The following ZNF592 variants were observed in gnomAD, a reference collection of about 807,000 sequenced individuals.
The protein encoded by ZNF592 is spinocerebellar ataxia, autosomal recessive 5.
ZNF592 carries 11 observed loss-of-function variants against 80.3 expected under a neutral mutation model. That is an observed-to-expected ratio of 0.14 (90% CI 0.09 to 0.23). ZNF592 has a LOEUF of 0.23. ZNF592 is among the 10% of genes least tolerant of loss of function. ZNF592 has a pLI of 1.00. For missense variants in ZNF592, 1,420 were observed against 1,633.9 expected, an observed-to-expected ratio of 0.87 and a Z score of 2.26; for synonymous variants, 646 against 640.3, an observed-to-expected ratio of 1.01 and a Z score of -0.13.
intron 2 of ZNF592, among the ~76,000 whole-genome samples, chr15:84,775,323 T>G (rs543851658): frequency 3.3e-5 from 5 of 152,282 alleles, no homozygotes; most frequent in Non-Finnish European, 7.4e-5. Context: ...GTCGAACTCC[T>G]GACCTCAAGC....
At chr15:84,768,525 A>G (rs1410470900) in intron 2 of ZNF592, among the ~76,000 whole-genome samples, 1 of 152,038 alleles carries the variant, frequency 6.6e-6, no homozygotes, top group African/African-American at 2.4e-5. Flanking sequence ...GGCATGAGCC[A>G]CCGTGCCCAG....
chr15:84,760,725 A>G (rs1047592425), intron 1 of ZNF592, among the ~76,000 whole-genome samples: 2 of 152,210 alleles, frequency 1.3e-5, no homozygotes, highest in South Asian at 2.1e-4. Flanking sequence ...GGTGGAAGAG[A>G]GGAGGATGAA....
chr15:84,792,597 T>C (rs3851678), intron 5 of ZNF592, among the ~76,000 whole-genome samples: 128,779 of 152,170 alleles, frequency 0.85, 54,946 homozygotes, highest in African/African-American at 0.96. Flanking sequence ...ACTACAGGCA[T>C]GCACTGCCAT....
intron 5 of ZNF592, among the ~76,000 whole-genome samples, chr15:84,794,146 C>T (rs556653644): frequency 1.7e-4 from 26 of 152,174 alleles, no homozygotes; most frequent in African/African-American, 5.1e-4. Flanking sequence ...ATGTAGAAGA[C>T]GGGTTGATGG....
intron 1 of ZNF592, among the ~76,000 whole-genome samples, chr15:84,758,194 C>G (rs371754820): frequency 3.4e-5 from 5 of 146,928 alleles, no homozygotes; most frequent in African/African-American, 1.0e-4. Flanking sequence ...AGGCTGGTCT[C>G]GAACTTCTGA....
intron 2 of ZNF592, among the ~76,000 whole-genome samples, chr15:84,768,771 A>G (rs531247848): frequency 3.9e-5 from 6 of 152,232 alleles, no homozygotes; most frequent in South Asian, 2.1e-4. Flanking sequence ...ACCCCTTCCC[A>G]CTGGCGAGGT....
chr15:84,780,922 T>G (rs1962402854), intron 3 of ZNF592, among the ~76,000 whole-genome samples: 1 of 152,204 alleles, frequency 6.6e-6, no homozygotes, highest in Non-Finnish European at 1.5e-5. Flanking sequence ...TTGGCTCAAA[T>G]GCACGCGTAG....
intron 10 of ZNF592, among the ~76,000 whole-genome samples, chr15:84,800,493 C>T (rs907467859): frequency 2.6e-5 from 4 of 152,112 alleles, no homozygotes; most frequent in African/African-American, 9.7e-5. Flanking sequence ...CTGGTTTTTC[C>T]TCCTCACTCC....
At chr15:84,791,305 A>G (rs974927151) in intron 5 of ZNF592, among the ~76,000 whole-genome samples, 2 of 152,226 alleles carry the variant, frequency 1.3e-5, no homozygotes, top group Admixed American at 6.5e-5. Context: ...GCCAAACTCA[A>G]AGGGCTTTAG....
At position 84,778,263 on chromosome 15, in the gene ZNF592, G is replaced by C. The variant is rs1004246210; in HGVS notation, c.-69G>C. The C allele has an allele frequency of 3.5e-6, 1 of 285,612 alleles. No individual in the cohort carries two copies. Among genetic ancestry groups the C allele is most frequent in the Non-Finnish European group, 7.0e-6 (1 of 143,798 alleles). The allele number at this position is 285,612 out of a possible 1,614,324, so 17.7% of individuals were successfully genotyped here. A position where few individuals can be genotyped will look rare whatever the true frequency, so the allele number is the denominator to read the frequency against. The stretch of plus-strand genomic sequence containing the variant: ...CCCGTACGGAGACAGAGGGAGGGGG[G>C]GCTCCAAAGCCGAAAGAGGAGGTCC... On this transcript the variant is annotated 5_prime_UTR_variant, in exon 3 of 11. Transcript: ENST00000560079.
rs1484606862 is a variant in ZNF592 at position 84,784,199 on chromosome 15, G to C, written c.1524G>C (p.Leu508=). ...LLPKAVHLAN[L]NLVPHSVAAS... The stretch of plus-strand genomic sequence containing the variant: ...CCAAAGCCGTGCACTTGGCCAACCT[G>C]AACCTCGTCCCCCACAGTGTTGCTG... The change falls in exon 4 of 11, where the codon CTG becomes CTC. Residue 508 remains leucine (L), a synonymous_variant. Coordinates refer to ENST00000560079, the MANE Select transcript of ZNF592 (RefSeq NM_014630.3). This position sits in a 1 kb window ranked among gnomAD's most constrained non-coding sequence, Gnocchi z 5.8. 16 of 1,614,060 alleles carry C rather than the reference G, an allele frequency of 9.9e-6. No homozygotes were observed. Among genetic ancestry groups the C allele is most frequent in the Middle Eastern group, 1.6e-4 (1 of 6,084 alleles).
rs577553097 is a variant in ZNF592, at chr15:84,782,361, G to A, written c.-19-296G>A. Among the ~76,000 whole-genome samples the A allele has an allele frequency of 3.3e-5, 5 of 152,272 alleles. No individual in the cohort carries two copies. The South Asian group carries it at 1.0e-3, about 32-fold the overall frequency. ...CCTGAGAAGCTGAGGGAGTATGGTA[G>A]GAGTATACTCTCTGTGGCTTTGTAA... is the stretch of plus-strand genomic sequence containing the variant. On this transcript the variant is annotated intron_variant, in intron 3 of 10. Transcript: ENST00000560079.
intron 1 of ZNF592, among the ~76,000 whole-genome samples, chr15:84,757,816 G>A (rs1045436359): frequency 1.4e-5 from 2 of 144,566 alleles, no homozygotes; most frequent in Non-Finnish European, 3.0e-5. Context: ...ACGCTGCCAT[G>A]TCTGGCTTTT....
chr15:84,798,262 G>A lies in ZNF592; in HGVS notation c.2577-53G>A. 6.2e-7 allele frequency: 1 copy of A among 1,611,670 alleles called. No homozygotes were observed. The highest frequency in any genetic ancestry group is 1.1e-5 in the South Asian group (1 of 90,862). ...GGTTCAGAGAGAGCAGAGATGGGTG[G>A]AGGGGCTGCATGGTGCCTTGGCCAC... On this transcript the variant is annotated intron_variant, in intron 6 of 10. Transcript: ENST00000560079. This position sits in a 1 kb window ranked among gnomAD's most constrained non-coding sequence, Gnocchi z 4.5.
intron 1 of ZNF592, among the ~76,000 whole-genome samples, chr15:84,763,764 A>C (rs1001252516): frequency 6.6e-6 from 1 of 152,214 alleles, no homozygotes; most frequent in African/African-American, 2.4e-5. Context: ...GAGGGAATGC[A>C]GGATTAGAGT....
At position 84,755,625 on chromosome 15, in the gene ZNF592, C is replaced by G. The variant is rs1221620824; in HGVS notation, c.-259+6961C>G. Among the ~76,000 whole-genome samples the G allele has an allele frequency of 2.0e-5, 3 of 152,150 alleles. No individual in the cohort carries two copies. In the East Asian group the frequency reaches 5.8e-4, roughly 29 times the overall value. ...GGATTGGGGTGGTTTTTACTTTATTCTTAATATTTTCTTCCTATCATTTGA... is the reference window on the plus strand; with the variant it reads ...GGATTGGGGTGGTTTTTACTTTATTGTTAATATTTTCTTCCTATCATTTGA... On this transcript the variant is annotated intron_variant, in intron 1 of 10. Coordinates refer to ENST00000560079, the MANE Select transcript of ZNF592 (RefSeq NM_014630.3).
At chr15:84,796,265 T>TATATATATATATA (rs1396711040) in intron 5 of ZNF592, among the ~76,000 whole-genome samples, 17 of 43,624 alleles carry the variant, frequency 3.9e-4, no homozygotes, top group African/African-American at 7.6e-4. Context: ...TATATATATA[T>TATATATATATATA]TTTATATATA....
Position 84,801,889 on chromosome 15 carries a change from T to C in ZNF592, c.3300T>C (p.Ser1100=), listed in dbSNP as rs1456902969. ...TGAACCATCTGAAAAGACCAGTCAG[T>C]GGAGTGGGGGACGCTCCAGGCACCA... ...PQVNHLKRPV[S]GVGDAPGTSN... The change falls in exon 11 of 11, where the codon AGT becomes AGC. Residue 1100 remains serine, a synonymous_variant. Transcript: ENST00000560079. 1.2e-6 allele frequency: 2 copies of C among 1,613,792 alleles called. 1 individual carries two copies. Among genetic ancestry groups the C allele is most frequent in the Non-Finnish European group, 1.7e-6 (2 of 1,179,838 alleles).
intron 1 of ZNF592, among the ~76,000 whole-genome samples, chr15:84,756,584 C>T (rs927061664): frequency 6.6e-6 from 1 of 152,090 alleles, no homozygotes; most frequent in Non-Finnish European, 1.5e-5. Context: ...TGGGCTTGGC[C>T]CAGCCAAAGC....
Sources: gnomAD v4.1 joint callset for allele counts (sites outside exome capture counted in the v4.1 genomes callset) on GRCh38, gnomAD v4.1.1 for gene constraint, Gnocchi (gnomAD v3.1) non-coding constraint, MANE v1.5 for transcripts, NCBI Gene and HGNC (gene_info 2026-07-23, HGNC 2026-07-21) for gene names.